Variants in HPD observed in about 807,000 individuals in gnomAD.
HPD encodes 4-hydroxyphenylpyruvic acid oxidase.
A neutral mutation model predicts 56.9 loss-of-function variants in HPD; 35 were observed. The ratio of observed to expected loss-of-function variants is 0.62; its 90% CI spans 0.47 to 0.82. The LOEUF (loss-of-function observed/expected upper bound fraction) is 0.82, where lower values mean the gene tolerates loss of function less well. Among genes scored for constraint, HPD ranks in the 40% least tolerant of loss-of-function variants. The pLI is 0.00. For missense variants in HPD, 442 were observed against 506.8 expected, an observed-to-expected ratio of 0.87 and a Z score of 1.23; for synonymous variants, 186 against 200.2, an observed-to-expected ratio of 0.93 and a Z score of 0.60.
At chr12:121,862,916 G>A (rs571373612), upstream of HPD, among the ~76,000 whole-genome samples, 3 of 150,804 alleles carry the variant, frequency 2.0e-5, no homozygotes, top group South Asian at 2.1e-4. Flanking sequence ...TCCTGACCTC[G>A]TGATTCGCTC....
Position 121,846,904 on chromosome 12 carries a change from C to G in HPD, c.789G>C (p.Gly263=). 1 of 1,614,076 alleles carries G rather than the reference C, an allele frequency of 6.2e-7. No homozygotes were observed. Among genetic ancestry groups the G allele is most frequent in the Non-Finnish European group, 8.5e-7 (1 of 1,179,988 alleles). ...CGGTCTTGAGAGCGATGTGCTGGAC[C>G]CCAGCGCCCCCGTTATAGTCCACAT... ...QEYVDYNGGA[G]VQHIALKTED... is the part of the protein sequence containing the mutation. Residue 263 remains glycine, a synonymous_variant, in exon 11 of 14, where the codon GGG becomes GGC. Transcript: ENST00000289004.
chr12:121,843,749 C>T lies in HPD; in HGVS notation c.915G>A (p.Thr305=), dbSNP rs751753975. ...YYKQLREKLK[T]AKIKVKENID... ...TGTTCTCCTTCACCTTGATCTTGGCCGTCTTCAGCTTCTCCCGCAGTTGTT... is the reference window on the plus strand; with the variant it reads ...TGTTCTCCTTCACCTTGATCTTGGCTGTCTTCAGCTTCTCCCGCAGTTGTT... Residue 305 remains threonine, a synonymous_variant, in exon 12 of 14, where the codon ACG becomes ACA. Coordinates refer to ENST00000289004, the MANE Select transcript of HPD (RefSeq NM_002150.3). The T allele has an allele frequency of 2.0e-5, 32 of 1,613,982 alleles. No individual in the cohort carries two copies. Among genetic ancestry groups the T allele is most frequent in the Middle Eastern group, 1.6e-4 (1 of 6,082 alleles).
chr12:121,862,181 G>T (rs959541602), upstream of HPD, among the ~76,000 whole-genome samples: 10 of 152,184 alleles, frequency 6.6e-5, no homozygotes, highest in African/African-American at 2.4e-4. Flanking sequence ...GGGGCCATAT[G>T]CTGTGCAAAC....
the HPD span, among the ~76,000 whole-genome samples, chr12:121,883,793 A>G: frequency 0.25 from 38,368 of 151,188 alleles, 6,195 homozygotes; most frequent in East Asian, 0.61. Flanking sequence ...TGCTAGGATT[A>G]TAGCCATGAG....
At chr12:121,846,208 T>C (rs1023519755) in intron 11 of HPD, among the ~76,000 whole-genome samples, 1 of 152,176 alleles carries the variant, frequency 6.6e-6, no homozygotes, top group Non-Finnish European at 1.5e-5. Context: ...CCTAATTTCC[T>C]TTATTAATTA....
At chr12:121,861,642 CTT>C (rs902359316), upstream of HPD, among the ~76,000 whole-genome samples, 4 of 152,148 alleles carry the variant, frequency 2.6e-5, no homozygotes, top group African/African-American at 7.2e-5. Flanking sequence ...TGGAGATACA[CTT>C]TCAGGGTTTT....
In HPD at chr12:121,849,671, C is replaced by T. The variant is rs1307074642; in HGVS notation, c.518+16G>A. ...CTCAGGGCTTTCCACCCACCTCTGC[C>T]CTGAGGGACACTCACAGTTTAGGAA... On this transcript the variant is annotated intron_variant, in intron 8 of 13. Transcript: ENST00000289004. 1.3e-6 allele frequency: 2 copies of T among 1,560,752 alleles called. No individual in the cohort carries two copies. The highest frequency in any genetic ancestry group is 1.8e-6 in the Non-Finnish European group (2 of 1,131,352).
upstream of HPD, chr12:121,863,512 C>T (rs961949304): frequency 7.9e-5 from 12 of 152,364 alleles, no homozygotes; most frequent in African/African-American, 2.9e-4. Context: ...CTTCCCGCAT[C>T]TTTGTCCTGA....
At chr12:121,877,886 A>G in the HPD span, among the ~76,000 whole-genome samples, 27 of 152,286 alleles carry the variant, frequency 1.8e-4, no homozygotes, top group East Asian at 4.8e-3. Flanking sequence ...GTTCAAAAGA[A>G]GTTAGCAATG....
Position 121,839,935 on chromosome 12 carries a change from G to A in HPD, c.1068C>T (p.His356=), listed in dbSNP as rs1877351051. The A allele has an allele frequency of 1.9e-6, 3 of 1,613,256 alleles. No individual in the cohort carries two copies. In the South Asian group the frequency reaches 3.3e-5, roughly 18 times the overall value. The part of the protein sequence containing the change: ...LFLEVIQRHN[H]QGFGAGNFNS... ...GCCTGCCGGGGACAAGCAGTACCTG[G>A]TGGTTGTGGCGCTGGATGACTTCCA... Residue 356 remains histidine (H), a synonymous_variant, in exon 13 of 14, where the codon CAC becomes CAT. Coordinates refer to ENST00000289004, the MANE Select transcript of HPD (RefSeq NM_002150.3).
intron 3 of HPD, 69 bp from the exon 4 acceptor site, chr12:121,857,501 G>C (rs1878047930): frequency 8.2e-7 from 1 of 1,215,328 alleles, no homozygotes; most frequent in Non-Finnish European, 1.2e-6. Context: ...CCGCAAGAGA[G>C]CCCCTGGCCC....
chr12:121,841,533 C>T (rs889182957), intron 12 of HPD, among the ~76,000 whole-genome samples: 9 of 152,154 alleles, frequency 5.9e-5, no homozygotes, highest in Admixed American at 1.3e-4. Flanking sequence ...TATCTATCAA[C>T]GAGGAATAGA....
At chr12:121,885,371 T>G in the HPD span, among the ~76,000 whole-genome samples, 12 of 151,878 alleles carry the variant, frequency 7.9e-5, no homozygotes, top group African/African-American at 2.9e-4. Context: ...CCAGCTAATT[T>G]TTGTATTTTT....
chr12:121,845,875 T>C (rs1610041), intron 11 of HPD, among the ~76,000 whole-genome samples: 47,931 of 152,022 alleles, frequency 0.32, 7,816 homozygotes, highest in Middle Eastern at 0.41. Context: ...CCAACCTTAA[T>C]TTCCTCATTT....
the HPD span, among the ~76,000 whole-genome samples, chr12:121,876,830 T>C: frequency 6.6e-6 from 1 of 152,120 alleles, no homozygotes; most frequent in African/African-American, 2.4e-5. Flanking sequence ...ATGCCTGTAA[T>C]CCCAGATCTT....
At chr12:121,880,931 A>G in the HPD span, among the ~76,000 whole-genome samples, 1 of 152,138 alleles carries the variant, frequency 6.6e-6, no homozygotes, top group African/African-American at 2.4e-5. Flanking sequence ...AGTAGCTGGG[A>G]CTACAAGTGT....
At chr12:121,886,410 G>GTT in the HPD span, among the ~76,000 whole-genome samples, 6,333 of 110,194 alleles carry the variant, frequency 0.057, 306 homozygotes, top group East Asian at 0.098. Flanking sequence ...GCCTGGCCTA[G>GTT]TTTTTTTTTT....
chr12:121,862,598 T>A (rs1878207530), upstream of HPD, among the ~76,000 whole-genome samples: 1 of 22,252 alleles, frequency 4.5e-5, no homozygotes, highest in African/African-American at 6.7e-4. Flanking sequence ...CTCTCGGCCT[T>A]TTTTTTTTTT....
Position 121,843,690 on chromosome 12 carries a change from G to A in HPD, c.954+20C>T, listed in dbSNP as rs367649708. The A allele has an allele frequency of 3.3e-5, 53 of 1,613,580 alleles. No homozygotes were observed. The highest frequency in any genetic ancestry group is 1.7e-4 in the Middle Eastern group (1 of 6,036). On this transcript the variant is annotated intron_variant, in intron 12 of 13. Transcript: ENST00000289004. ...GCTCATACTCCCCCCACAAGGCTGC[G>A]GATCCTGCCTGGGCCTCACCTCCAG...
Sources: allele counts gnomAD v4.1 joint callset (sites outside exome capture counted in the v4.1 genomes callset), GRCh38; gene constraint gnomAD v4.1.1; transcripts MANE v1.5; gene names NCBI Gene and HGNC (gene_info 2026-07-23, HGNC 2026-07-21).